Variants in TINAG observed in about 807,000 individuals in gnomAD.
TINAG encodes the protein tubulointerstitial nephritis antigen.
Under a neutral mutation model 72.7 loss-of-function variants are expected in TINAG, and 83 were observed. That is an observed-to-expected ratio of 1.14 (90% CI 0.96 to 1.37). The LOEUF (loss-of-function observed/expected upper bound fraction) is 1.37, where lower values mean the gene tolerates loss of function less well. Among genes scored for constraint, TINAG ranks in the 40% most tolerant of loss-of-function variants. TINAG has a pLI of 0.00. For synonymous variants in TINAG, 234 were observed against 189.9 expected (o/e 1.23, Z -1.91); for missense variants, 685 against 576.6 (o/e 1.19, Z -1.93).
At chr6:54,327,522 T>C (rs1471112156) in intron 4 of TINAG, among the ~76,000 whole-genome samples, 1 of 151,974 alleles carries the variant, frequency 6.6e-6, no homozygotes, top group Non-Finnish European at 1.5e-5. Context: ...CAAAACTGGG[T>C]GGCCATTTGG....
chr6:54,343,941 G>A (rs1785062221), intron 5 of TINAG, among the ~76,000 whole-genome samples: 1 of 152,084 alleles, frequency 6.6e-6, no homozygotes, highest in African/African-American at 2.4e-5. Context: ...TATAAGCAAT[G>A]ACTCTTTTAT....
At chr6:54,363,765 A>G (rs1463948952) in intron 9 of TINAG, among the ~76,000 whole-genome samples, 1 of 151,468 alleles carries the variant, frequency 6.6e-6, no homozygotes, top group Non-Finnish European at 1.5e-5. Flanking sequence ...CTAGAAATGG[A>G]TGAGTTTACA....
chr6:54,377,398 G>A (rs1763813159), intron 9 of TINAG, among the ~76,000 whole-genome samples: 1 of 152,078 alleles, frequency 6.6e-6, no homozygotes, highest in Non-Finnish European at 1.5e-5. Flanking sequence ...TGTAATCCCA[G>A]CTACTCGGGA....
intron 4 of TINAG, among the ~76,000 whole-genome samples, chr6:54,336,173 G>A (rs1246051158): frequency 6.6e-6 from 1 of 152,018 alleles, no homozygotes; most frequent in Non-Finnish European, 1.5e-5. Flanking sequence ...CTAGCTCATA[G>A]GGTTGCATAA....
chr6:54,354,311 T>C (rs1277921932), intron 8 of TINAG, among the ~76,000 whole-genome samples: 1 of 151,908 alleles, frequency 6.6e-6, no homozygotes, highest in Non-Finnish European at 1.5e-5. Context: ...ATATTCTAAA[T>C]AGCTAAAAGT....
At chr6:54,352,405 C>G (rs935848713) in intron 8 of TINAG, among the ~76,000 whole-genome samples, 2 of 151,720 alleles carry the variant, frequency 1.3e-5, no homozygotes, top group African/African-American at 4.8e-5. Context: ...ATAAACATGT[C>G]CTGAATTTAA....
chr6:54,337,018 T>A (rs1784880258), intron 4 of TINAG, among the ~76,000 whole-genome samples: 1 of 151,986 alleles, frequency 6.6e-6, no homozygotes, highest in Admixed American at 6.6e-5. Context: ...TTATTTATTT[T>A]ATAATAAAAA....
At chr6:54,349,315 T>C (rs1785204113) in intron 6 of TINAG, among the ~76,000 whole-genome samples, 1 of 151,948 alleles carries the variant, frequency 6.6e-6, no homozygotes, top group Non-Finnish European at 1.5e-5. Flanking sequence ...CATCTGGAAA[T>C]AGTCAGATTC....
chr6:54,360,931 A>C (rs1367201034), intron 9 of TINAG, among the ~76,000 whole-genome samples: 3 of 138,408 alleles, frequency 2.2e-5, no homozygotes, highest in Non-Finnish European at 3.0e-5. Flanking sequence ...CATCTTTTTC[A>C]ACAGCATGTG....
At chr6:54,358,770 C>T (rs1159685914) in intron 9 of TINAG, among the ~76,000 whole-genome samples, 2 of 151,850 alleles carry the variant, frequency 1.3e-5, no homozygotes, top group Non-Finnish European at 2.9e-5. Context: ...ATTTAGCCAT[C>T]ACCCCTGAAG....
intron 4 of TINAG, among the ~76,000 whole-genome samples, chr6:54,333,413 A>C (rs1406133538): frequency 1.3e-5 from 2 of 152,040 alleles, no homozygotes; most frequent in Non-Finnish European, 2.9e-5. Flanking sequence ...TGGGAGTTGA[A>C]CAATAAGGAC....
At chr6:54,328,618 G>T (rs1437431270) in intron 4 of TINAG, among the ~76,000 whole-genome samples, 1 of 152,022 alleles carries the variant, frequency 6.6e-6, no homozygotes, top group Non-Finnish European at 1.5e-5. Context: ...GACAGAGAAT[G>T]AGTTTGATGA....
At chr6:54,345,552 A>C (rs1009686385) in intron 5 of TINAG, among the ~76,000 whole-genome samples, 2 of 152,168 alleles carry the variant, frequency 1.3e-5, no homozygotes, top group South Asian at 2.1e-4. Context: ...GAATGAAAAC[A>C]CAGTTACACC....
chr6:54,353,580 A>G (rs1785319301), intron 8 of TINAG, among the ~76,000 whole-genome samples: 1 of 151,866 alleles, frequency 6.6e-6, no homozygotes, highest in African/African-American at 2.4e-5. Flanking sequence ...AGAGTAGATA[A>G]AGAAGTTTTA....
chr6:54,380,861 A>G (rs1322268191), intron 10 of TINAG, among the ~76,000 whole-genome samples: 5 of 151,214 alleles, frequency 3.3e-5, no homozygotes. Flanking sequence ...TTAAACTAAA[A>G]GTATTGATCA....
At chr6:54,333,618 A>AT (rs1784794983) in intron 4 of TINAG, among the ~76,000 whole-genome samples, 2 of 138,708 alleles carry the variant, frequency 1.4e-5, no homozygotes, top group South Asian at 2.2e-4. Context: ...AAGTATAATA[A>AT]AAAAAAAAAA....
At position 54,381,408 on chromosome 6, in the gene TINAG, A is replaced by G. The variant is rs141450040; in HGVS notation, c.1296+837A>G. Among the ~76,000 whole-genome samples the G allele has an allele frequency of 3.9e-3, 592 of 151,850 alleles. 5 individuals carry two copies. Among genetic ancestry groups the G allele is most frequent in the African/African-American group, 0.013 (548 of 41,338 alleles). ...TCTATGTGGTAATACTTACCATGGAATTTAAATTTAAATGTACACAGTAGA... is the reference window on the plus strand; with the variant it reads ...TCTATGTGGTAATACTTACCATGGAGTTTAAATTTAAATGTACACAGTAGA... On this transcript the variant is annotated intron_variant, in intron 10 of 10. Coordinates refer to ENST00000259782, the MANE Select transcript of TINAG (RefSeq NM_014464.4).
intron 9 of TINAG, among the ~76,000 whole-genome samples, chr6:54,376,306 G>A (rs1030730460): frequency 4.0e-5 from 6 of 151,612 alleles, no homozygotes; most frequent in South Asian, 2.1e-4. Context: ...ACAGTTTTTC[G>A]AAAGCAAAAT....
rs138909464 is a variant in TINAG, at chr6:54,326,833, G to A, written c.541G>A (p.Gly181Arg). Residue 181 changes from glycine (G) to arginine (R), a missense_variant, in exon 4 of 11, where the codon GGA becomes AGA. Coordinates refer to ENST00000259782, the MANE Select transcript of TINAG (RefSeq NM_014464.4). ...AGCACAGAATTACAGCCAATTTTGGGGAATGACTTTAGAAGATGGTTTTAA... is the reference window on the plus strand; with the variant it reads ...AGCACAGAATTACAGCCAATTTTGGAGAATGACTTTAGAAGATGGTTTTAA... The part of the protein sequence containing the change: ...WTAQNYSQFW[G>R]MTLEDGFKFR... The A allele has an allele frequency of 6.2e-7, 1 of 1,611,366 alleles. No homozygotes were observed. The highest frequency in any genetic ancestry group is 8.5e-7 in the Non-Finnish European group (1 of 1,179,272).
Sources: allele counts gnomAD v4.1 joint callset (sites outside exome capture counted in the v4.1 genomes callset), GRCh38; gene constraint gnomAD v4.1.1; transcripts MANE v1.5; gene names NCBI Gene and HGNC (gene_info 2026-07-23, HGNC 2026-07-21).